Variants in NFIA observed in about 807,000 individuals in gnomAD.
NFIA encodes nuclear factor I A, also known as nuclear factor 1 A-type.
NFIA carries 8 observed loss-of-function variants against 62.8 expected under a neutral mutation model. The ratio of observed to expected loss-of-function variants is 0.13; its 90% confidence interval spans 0.07 to 0.23. NFIA has a LOEUF of 0.23. NFIA is among the 10% of genes least tolerant of loss of function. The pLI, the probability that NFIA is intolerant of heterozygous loss-of-function variation, is 1.00. For missense variants in NFIA, 410 were observed against 642.1 expected, an observed-to-expected ratio of 0.64 and a Z score of 3.91; for synonymous variants, 235 against 238.1, an observed-to-expected ratio of 0.99 and a Z score of 0.12.
At chr1:61,238,740 C>T (rs1002565961) in intron 2 of NFIA, among the ~76,000 whole-genome samples, 2 of 152,110 alleles carry the variant, frequency 1.3e-5, no homozygotes, top group Non-Finnish European at 2.9e-5. Flanking sequence ...AAATCAATAG[C>T]GTGGTCGATA....
chr1:61,118,590 G>T (rs1282042626), intron 2 of NFIA, among the ~76,000 whole-genome samples: 1 of 152,048 alleles, frequency 6.6e-6, no homozygotes, highest in Non-Finnish European at 1.5e-5. Flanking sequence ...GAATGTGAAG[G>T]ATGAGGCCGC....
intron 10 of NFIA, among the ~76,000 whole-genome samples, chr1:61,447,867 T>TA (rs1318061135): frequency 1.3e-5 from 2 of 152,134 alleles, no homozygotes; most frequent in African/African-American, 4.8e-5. Context: ...GAAGGGCAGG[T>TA]ACGCTGGTGG....
intron 3 of NFIA, among the ~76,000 whole-genome samples, chr1:61,282,250 G>C (rs2100287031): frequency 6.6e-6 from 1 of 152,066 alleles, no homozygotes; most frequent in East Asian, 1.9e-4. Context: ...CATGATGCTT[G>C]ATTACCGTAG....
intron 9 of NFIA, among the ~76,000 whole-genome samples, chr1:61,417,686 T>C (rs936930761): frequency 6.6e-6 from 1 of 152,146 alleles, no homozygotes; most frequent in Non-Finnish European, 1.5e-5. Context: ...TCTTTTTTAA[T>C]TGTTGGAAGG....
intron 7 of NFIA, among the ~76,000 whole-genome samples, chr1:61,388,150 G>A (rs562640466): frequency 2.6e-4 from 40 of 152,260 alleles, no homozygotes; most frequent in African/African-American, 8.9e-4. Flanking sequence ...TTCTCTGTGT[G>A]GTTAGAATTA....
At chr1:61,186,286 A>ATCTCAGTATCT (rs1651174417) in intron 2 of NFIA, among the ~76,000 whole-genome samples, 1 of 132,050 alleles carries the variant, frequency 7.6e-6, no homozygotes, top group South Asian at 2.5e-4. Context: ...GCCACTCAGA[A>ATCTCAGTATCT]CCTCTGTAAA....
intron 10 of NFIA, among the ~76,000 whole-genome samples, chr1:61,432,624 C>T (rs200105454): frequency 2.8e-5 from 1 of 35,640 alleles, no homozygotes; most frequent in Non-Finnish European, 4.7e-5. Context: ...CACACACACA[C>T]GTACACACAT....
At chr1:61,081,490 A>T (rs1646094464), upstream of NFIA, among the ~76,000 whole-genome samples, 1 of 152,190 alleles carries the variant, frequency 6.6e-6, no homozygotes, top group South Asian at 2.1e-4. Flanking sequence ...AGTTCTGGGC[A>T]CGCGTTTGTG....
chr1:61,401,116 GCA>G (rs1278389558), intron 7 of NFIA, among the ~76,000 whole-genome samples: 1 of 152,180 alleles, frequency 6.6e-6, no homozygotes, highest in Non-Finnish European at 1.5e-5. Context: ...CTCTCCAGTT[GCA>G]CAGTGAACTG....
intron 5 of NFIA, among the ~76,000 whole-genome samples, chr1:61,355,360 G>A (rs1223725790): frequency 6.6e-6 from 1 of 152,156 alleles, no homozygotes; most frequent in Non-Finnish European, 1.5e-5. Context: ...GGTACTGACT[G>A]TAAGTTCTGT....
chr1:61,353,234 A>G (rs1159101758), intron 5 of NFIA, among the ~76,000 whole-genome samples: 1 of 152,162 alleles, frequency 6.6e-6, no homozygotes, highest in Admixed American at 6.5e-5. Flanking sequence ...AGTCACTTGC[A>G]TAACCTCAAG....
chr1:61,136,006 A>T (rs1647180078), intron 2 of NFIA, among the ~76,000 whole-genome samples: 1 of 152,218 alleles, frequency 6.6e-6, no homozygotes, highest in South Asian at 2.1e-4. Flanking sequence ...CTTAAAATAT[A>T]TGTTGCTTAT....
intron 3 of NFIA, among the ~76,000 whole-genome samples, chr1:61,317,661 TAC>T (rs570719108): frequency 6.6e-6 from 1 of 152,178 alleles, no homozygotes; most frequent in East Asian, 1.9e-4. Flanking sequence ...TTACATTATC[TAC>T]ATTTTGATTT....
chr1:61,210,612 A>C (rs1426326486), intron 2 of NFIA, among the ~76,000 whole-genome samples: 1 of 152,196 alleles, frequency 6.6e-6, no homozygotes, highest in African/African-American at 2.4e-5. Context: ...GACAGTTCTC[A>C]TGCTGAGTCA....
chr1:61,400,589 G>A (rs1665502881), intron 7 of NFIA, among the ~76,000 whole-genome samples: 2 of 152,158 alleles, frequency 1.3e-5, no homozygotes, highest in South Asian at 4.1e-4. Flanking sequence ...ACATTTTAAA[G>A]GATCTAAATA....
At chr1:61,327,092 T>C (rs1388572365) in intron 3 of NFIA, among the ~76,000 whole-genome samples, 2 of 148,330 alleles carry the variant, frequency 1.3e-5, no homozygotes, top group African/African-American at 2.4e-5. Context: ...TATCTACTTA[T>C]ATATAAATAT....
At position 61,455,400 on chromosome 1, in the gene NFIA, A is replaced by C; in HGVS notation, c.*80A>C. On this transcript the variant is annotated 3_prime_UTR_variant, in exon 11 of 11. Transcript: ENST00000403491. ...TGTAACATGGACGCAACCTCAACCC[A>C]GCGCAGTTACAACTTCACTATCAGC... is the stretch of plus-strand genomic sequence containing the variant. The C allele has an allele frequency of 1.2e-6, 2 of 1,610,164 alleles. No individual in the cohort carries two copies. Among genetic ancestry groups the C allele is most frequent in the Non-Finnish European group, 1.7e-6 (2 of 1,178,482 alleles).
intron 2 of NFIA, among the ~76,000 whole-genome samples, chr1:61,141,060 A>G (rs1647482482): frequency 6.7e-6 from 1 of 150,354 alleles, no homozygotes; most frequent in Admixed American, 6.7e-5. Context: ...GAATTGGGAA[A>G]TCATATTATG....
intron 2 of NFIA, among the ~76,000 whole-genome samples, chr1:61,226,375 C>G (rs1654332404): frequency 1.3e-5 from 2 of 152,190 alleles, no homozygotes; most frequent in South Asian, 4.1e-4. Flanking sequence ...TATTCCTTTA[C>G]AAAATGTATC....
Sources: allele counts gnomAD v4.1 joint callset (sites outside exome capture counted in the v4.1 genomes callset), GRCh38; gene constraint gnomAD v4.1.1; transcripts MANE v1.5; gene names NCBI Gene and HGNC (gene_info 2026-07-23, HGNC 2026-07-21).